The following SRGAP2B variants were observed in gnomAD, a reference collection of about 807,000 sequenced individuals.
SRGAP2B encodes SLIT-ROBO Rho GTPase activating protein 2B.
In SRGAP2B, 9 loss-of-function variants were observed where a neutral mutation model predicts 22.2. The ratio of observed to expected loss-of-function variants is 0.41; its 90% CI spans 0.24 to 0.71. SRGAP2B has a LOEUF of 0.71. Among genes scored for constraint, SRGAP2B ranks in the 30% least tolerant of loss-of-function variants. SRGAP2B has a pLI of 0.35. For synonymous variants in SRGAP2B, 36 were observed against 87.4 expected, an observed-to-expected ratio of 0.41 and a Z score of 3.28; for missense variants, 114 against 235.8, an observed-to-expected ratio of 0.48 and a Z score of 3.38.
intron 5 of SRGAP2B, among the ~76,000 whole-genome samples, chr1:144,907,878 A>G (rs1408341461): frequency 6.7e-6 from 1 of 148,562 alleles, no homozygotes; most frequent in Admixed American, 6.7e-5. Flanking sequence ...TTAGAGTCTA[A>G]ATTATGTCTC....
At chr1:145,002,761 T>G (rs1181256304) in intron 2 of SRGAP2B, among the ~76,000 whole-genome samples, 1 of 145,694 alleles carries the variant, frequency 6.9e-6, no homozygotes, top group East Asian at 2.0e-4. Flanking sequence ...ACAATTCATA[T>G]TACATAATTG....
At chr1:144,939,929 G>A (rs1344284742) in intron 4 of SRGAP2B, among the ~76,000 whole-genome samples, 1 of 149,938 alleles carries the variant, frequency 6.7e-6, no homozygotes, top group Non-Finnish European at 1.5e-5. Context: ...TTGGAGAAGA[G>A]ATGATTAAAG....
intron 3 of SRGAP2B, among the ~76,000 whole-genome samples, chr1:144,991,325 C>T (rs1454138841): frequency 6.9e-6 from 1 of 145,000 alleles, no homozygotes; most frequent in African/African-American, 2.6e-5. Context: ...GGTTTGTAAA[C>T]ACACCAATCA....
chr1:145,017,526 T>C (rs1387073985), intron 2 of SRGAP2B, among the ~76,000 whole-genome samples: 1 of 149,512 alleles, frequency 6.7e-6, no homozygotes, highest in Non-Finnish European at 1.5e-5. Flanking sequence ...AAATGGCACA[T>C]TTCTCAGAAT....
intron 3 of SRGAP2B, among the ~76,000 whole-genome samples, chr1:144,992,928 G>A (rs1299623390): frequency 6.6e-6 from 1 of 151,564 alleles, no homozygotes; most frequent in African/African-American, 2.4e-5. Flanking sequence ...GGTAGATAGT[G>A]CTGAATGCCC....
chr1:144,985,176 A>G (rs1428702919), intron 3 of SRGAP2B, among the ~76,000 whole-genome samples: 1 of 128,048 alleles, frequency 7.8e-6, no homozygotes, highest in African/African-American at 3.2e-5. Context: ...TTTCTCCCTG[A>G]CTAGATTATA....
chr1:144,941,535 A>T (rs1666051835), intron 4 of SRGAP2B, among the ~76,000 whole-genome samples: 1 of 150,400 alleles, frequency 6.6e-6, no homozygotes, highest in Admixed American at 6.6e-5. Flanking sequence ...AAAAACCCCA[A>T]GGGCTGGGCT....
intron 4 of SRGAP2B, 135 bp downstream of exon 4, chr1:144,955,304 G>C (rs1422765318): frequency 1.4e-5 from 6 of 442,882 alleles, no homozygotes; most frequent in African/African-American, 4.6e-5. Flanking sequence ...TTTGTTACAT[G>C]GGTAAATTGC....
In SRGAP2B at chr1:144,972,736, G is replaced by T. The variant is rs189534661; in HGVS notation, c.261-17135C>A. On this transcript the variant is annotated intron_variant, in intron 3 of 9. Coordinates refer to ENST00000612199, the Ensembl canonical transcript of SRGAP2B. ...CTGTGGGATTCAACCCATTAGTGAG[G>T]TTTAAAAAAAATCAACGTATAGGTC... is the stretch of plus-strand genomic sequence containing the variant. Among the ~76,000 whole-genome samples, 41 of 149,756 alleles carry T rather than the reference G, an allele frequency of 2.7e-4. 1 individual carries two copies. The highest frequency in any genetic ancestry group is 1.9e-3 in the Admixed American group (28 of 15,056).
At chr1:145,076,487 ATT>A (rs1652515790) in intron 2 of SRGAP2B, among the ~76,000 whole-genome samples, 2 of 150,508 alleles carry the variant, frequency 1.3e-5, no homozygotes, top group South Asian at 4.2e-4. Context: ...GGGATACACT[ATT>A]GATATGCACA....
intron 3 of SRGAP2B, among the ~76,000 whole-genome samples, chr1:144,960,952 C>A (rs1244892760): frequency 1.6e-4 from 7 of 42,590 alleles, no homozygotes; most frequent in African/African-American, 4.1e-4. Context: ...AAGAACTATG[C>A]CAATAGTTCA....
intron 3 of SRGAP2B, among the ~76,000 whole-genome samples, chr1:144,985,356 G>A: frequency 6.9e-6 from 1 of 145,930 alleles, no homozygotes; most frequent in Non-Finnish European, 1.5e-5. Flanking sequence ...GAAGGTCTCT[G>A]CAAGGAACAC....
At chr1:144,922,950 C>T (rs1400023108) in intron 4 of SRGAP2B, among the ~76,000 whole-genome samples, 1 of 151,302 alleles carries the variant, frequency 6.6e-6, no homozygotes, top group Admixed American at 6.6e-5. Flanking sequence ...CATTCCTTGG[C>T]ATGATGTGAA....
At chr1:144,965,244 C>T (rs879983786) in intron 3 of SRGAP2B, 3 of 608,174 alleles carry the variant, frequency 4.9e-6, no homozygotes, top group African/African-American at 3.9e-5. Context: ...GCATTTCCAT[C>T]TGAGCTTTGA....
intron 3 of SRGAP2B, among the ~76,000 whole-genome samples, chr1:144,986,351 T>C (rs1553615948): frequency 7.4e-6 from 1 of 134,620 alleles, no homozygotes; most frequent in African/African-American, 3.0e-5. Flanking sequence ...CAACAGCTGC[T>C]ACAGCTCCGG....
intron 3 of SRGAP2B, among the ~76,000 whole-genome samples, chr1:144,983,848 G>A (rs1669495552): frequency 6.7e-6 from 1 of 150,368 alleles, no homozygotes; most frequent in South Asian, 2.1e-4. Flanking sequence ...GTGCACGTGT[G>A]CAAATCTCTA....
chr1:144,990,837 C>A (rs4554744), intron 3 of SRGAP2B, among the ~76,000 whole-genome samples: 20 of 151,568 alleles, frequency 1.3e-4, no homozygotes, highest in Admixed American at 9.8e-4. Flanking sequence ...GCAGTGCCGG[C>A]CCATCGGCGC....
At chr1:144,913,093 A>ATT (rs1279062382) in intron 5 of SRGAP2B, among the ~76,000 whole-genome samples, 2 of 145,310 alleles carry the variant, frequency 1.4e-5, no homozygotes, top group East Asian at 2.1e-4. Flanking sequence ...CCTTTCACTT[A>ATT]TTTTTTTTTT....
chr1:144,996,034 GC>G (rs1250747837), intron 2 of SRGAP2B, among the ~76,000 whole-genome samples: 1 of 150,916 alleles, frequency 6.6e-6, no homozygotes, highest in Non-Finnish European at 1.5e-5. Flanking sequence ...TTAAGCTCTA[GC>G]ATGCAGATTT....
Sources: allele counts gnomAD v4.1 joint callset (sites outside exome capture counted in the v4.1 genomes callset), GRCh38; gene constraint gnomAD v4.1.1; transcripts MANE v1.5; gene names NCBI Gene and HGNC (gene_info 2026-07-23, HGNC 2026-07-21).